The following EIF1AY variants were observed in gnomAD, a reference collection of about 807,000 sequenced individuals.
EIF1AY encodes eukaryotic translation initiation factor 1A, Y-chromosomal.
For synonymous variants in EIF1AY, 16 were observed against 9.9 expected (o/e 1.62, Z -1.16); for missense variants, 19 against 30.6 (o/e 0.62, Z 0.89).
chrY:20,579,707 T>C lies in EIF1AY; in HGVS notation c.100+16T>C. On this transcript the variant is annotated intron_variant, in intron 2 of 6. Coordinates refer to ENST00000361365, the MANE Select transcript of EIF1AY (RefSeq NM_004681.4). ...GATGGACAAGGTAAGACTTTTCAAC[T>C]TAGGCTTCTTTCATTAATATGTTTT... The C allele has an allele frequency of 3.5e-6, 1 of 284,865 alleles. No individual in the cohort carries two copies. The highest frequency in any genetic ancestry group is 5.1e-6 in the Non-Finnish European group (1 of 194,794). The allele number at this position is 284,865 out of a possible 400,897, so 71.1% of individuals were successfully genotyped here. A position where few individuals can be genotyped will look rare whatever the true frequency, so the allele number is the denominator to read the frequency against.
chrY:20,579,213 A>G, intron 1 of EIF1AY, among the ~76,000 whole-genome samples: 2 of 33,826 alleles, frequency 5.9e-5, no homozygotes, highest in Non-Finnish European at 1.5e-4. Flanking sequence ...GTAGAAGAAA[A>G]TGAATGAAGT....
At chrY:20,583,252 A>G (rs1046209969) in intron 3 of EIF1AY, among the ~76,000 whole-genome samples, 1 of 26,362 alleles carries the variant, frequency 3.8e-5, no homozygotes, top group Non-Finnish European at 8.7e-5. Flanking sequence ...CTGTGGAAGT[A>G]TTAGCCAGCA....
Position 20,575,791 on chromosome Y carries a change from G to A in EIF1AY, c.-81G>A. 3.1e-6 allele frequency: 1 copy of A among 319,474 alleles called. No homozygotes were observed. Among genetic ancestry groups the A allele is most frequent in the Non-Finnish European group, 4.6e-6 (1 of 217,553 alleles). The allele number at this position is 319,474 out of a possible 400,897, so 79.7% of individuals were successfully genotyped here. A position where few individuals can be genotyped will look rare whatever the true frequency, so the allele number is the denominator to read the frequency against. ...AGCCTCTTCTGCGCACCCACCTGCT[G>A]CATCTTAGTTCAGTCGGCTCTTAGA... On this transcript the variant is annotated 5_prime_UTR_variant, in exon 1 of 7. Transcript: ENST00000361365.
chrY:20,581,239 C>T (rs375093626), intron 2 of EIF1AY, among the ~76,000 whole-genome samples: 2 of 33,597 alleles, frequency 6.0e-5, no homozygotes, highest in East Asian at 7.6e-4. Context: ...TTATTTTTCT[C>T]CATGTTTCAA....
chrY:20,579,822 T>G, intron 2 of EIF1AY, 131 bp downstream of exon 2: 2 of 122,867 alleles, frequency 1.6e-5, no homozygotes, highest in Non-Finnish European at 3.1e-5. Flanking sequence ...CCATTTCTCT[T>G]TTCCTCATTT....
intron 4 of EIF1AY, among the ~76,000 whole-genome samples, chrY:20,585,241 C>T (rs967397578): frequency 3.0e-5 from 1 of 33,241 alleles, no homozygotes; most frequent in Non-Finnish European, 7.4e-5. Flanking sequence ...TAAGTCTGTT[C>T]TCCTCTAAAA....
Position 20,582,683 on chromosome Y carries a change from T to G in EIF1AY, c.194T>G (p.Leu65Trp). ...VKRLCHIRGKLRKKVWINTSD... is the reference protein window; with the variant it reads ...VKRLCHIRGKWRKKVWINTSD... Reference sequence around the variant, plus strand: ...AGGTTATGCCATATCAGAGGGAAATTGAGAAAAAAGGTAGGTGTGTAGGTT... The same window carrying G: ...AGGTTATGCCATATCAGAGGGAAATGGAGAAAAAAGGTAGGTGTGTAGGTT... Residue 65 changes from leucine to tryptophan, a missense_variant, in exon 3 of 7, where the codon TTG (leucine) becomes TGG (tryptophan). Transcript: ENST00000361365. The G allele has an allele frequency of 7.7e-6, 3 of 391,070 alleles. No individual in the cohort carries two copies. The highest frequency in any genetic ancestry group is 1.1e-5 in the Non-Finnish European group (3 of 278,557).
intron 2 of EIF1AY, among the ~76,000 whole-genome samples, chrY:20,581,303 C>T (rs753202663): frequency 3.0e-5 from 1 of 33,054 alleles, no homozygotes; most frequent in Non-Finnish European, 7.5e-5. Flanking sequence ...GGATCAGTTG[C>T]CACATATATA....
chrY:20,588,389 A>G (rs755966610), intron 5 of EIF1AY: 1 of 44,133 alleles, frequency 2.3e-5, no homozygotes, highest in African/African-American at 1.1e-4. Flanking sequence ...TTATAAATTC[A>G]TAAGCTCTGG....
intron 2 of EIF1AY, among the ~76,000 whole-genome samples, chrY:20,580,521 T>C (rs771370871): frequency 7.3e-4 from 24 of 32,983 alleles, no homozygotes; most frequent in African/African-American, 2.8e-3. Context: ...TTTTTTCTTC[T>C]TTTTTTTCTT....
chrY:20,591,358 G>A (rs996473964), intron 6 of EIF1AY, among the ~76,000 whole-genome samples: 7 of 33,021 alleles, frequency 2.1e-4, no homozygotes, highest in Non-Finnish European at 5.2e-4. Context: ...TGAAAAGAAC[G>A]TTGGTTCAGT....
At chrY:20,592,286 G>A in intron 6 of EIF1AY, 55 bp from the exon 7 acceptor site, 1 of 292,840 alleles carries the variant, frequency 3.4e-6, no homozygotes, top group Non-Finnish European at 5.0e-6. Flanking sequence ...ATATGCAGTA[G>A]AATGTTGTAA....
chrY:20,588,182 G>A, intron 5 of EIF1AY, 77 bp downstream of exon 5: 1 of 197,889 alleles, frequency 5.1e-6, no homozygotes, highest in East Asian at 1.2e-4. Flanking sequence ...TATTTCCGTA[G>A]AACTCTTGTT....
Position 20,589,516 on chromosome Y carries a change from G to A in EIF1AY, c.370G>A (p.Gly124Arg). The A allele has an allele frequency of 2.6e-6, 1 of 388,017 alleles. No homozygotes were observed. Among genetic ancestry groups the A allele is most frequent in the Admixed American group, 7.5e-5 (1 of 13,415 alleles). ...CAATGAAACAGACACATTTGGTCCT[G>A]GAGATGATGATGAAATCCAGTTTGA... ...KINETDTFGP[G>R]DDDEIQFDDI... Residue 124 changes from glycine (G) to arginine (R), a missense_variant, in exon 6 of 7, where the codon GGA becomes AGA. Physicochemically the swap from Gly to Arg is moderately radical, Grantham distance 125. Coordinates refer to ENST00000361365, the MANE Select transcript of EIF1AY (RefSeq NM_004681.4).
At chrY:20,582,979 C>T in intron 3 of EIF1AY, among the ~76,000 whole-genome samples, 2 of 33,680 alleles carry the variant, frequency 5.9e-5, no homozygotes, top group Non-Finnish European at 1.5e-4. Context: ...ATGGTCTTGA[C>T]TCAGATGTTA....
chrY:20,588,241 G>A, intron 5 of EIF1AY, 136 bp downstream of exon 5: 1 of 100,999 alleles, frequency 9.9e-6, no homozygotes, highest in Non-Finnish European at 1.9e-5. Context: ...AAGTAGTCTT[G>A]CCTATACTTC....
intron 2 of EIF1AY, among the ~76,000 whole-genome samples, chrY:20,580,380 C>A: frequency 3.0e-5 from 1 of 33,327 alleles, no homozygotes; most frequent in Non-Finnish European, 7.4e-5. Flanking sequence ...ACCACAAGTT[C>A]TTCAATGCAG....
chrY:20,586,841 A>T, intron 4 of EIF1AY: 6 of 34,175 alleles, frequency 1.8e-4, no homozygotes, highest in Non-Finnish European at 7.3e-5. Flanking sequence ...ATATCAAATA[A>T]AAAGTTGTAC....
rs9341313 is a variant in EIF1AY, at chrY:20,579,932, T to G, written c.100+241T>G. 0.014 allele frequency among the ~76,000 whole-genome samples: 445 copies of G among 32,624 alleles called. No individual in the cohort carries two copies. In the Middle Eastern group the frequency reaches 0.24, roughly 18 times the overall value. The allele number at this position is 32,624 out of a possible 37,273, so 87.5% of individuals were successfully genotyped here. On this transcript the variant is annotated intron_variant, in intron 2 of 6. Transcript: ENST00000361365. Reference sequence around the variant, plus strand: ...TTCGATGGAAGCATTTTTGTAAATATACGTTCAGTATTTTGTGTGGAAGAA... The same window carrying G: ...TTCGATGGAAGCATTTTTGTAAATAGACGTTCAGTATTTTGTGTGGAAGAA...
Sources: gnomAD v4.1 joint callset for allele counts (sites outside exome capture counted in the v4.1 genomes callset) on GRCh38, gnomAD v4.1.1 for gene constraint, MANE v1.5 for transcripts, NCBI Gene and HGNC (gene_info 2026-07-23, HGNC 2026-07-21) for gene names.